Variants in KAZN observed in about 807,000 individuals in gnomAD.
KAZN encodes the protein kazrin.
Under a neutral mutation model 87.4 loss-of-function variants are expected in KAZN, and 40 were observed. The observed-to-expected ratio is 0.46, with a 90% CI of 0.36 to 0.60. The LOEUF (loss-of-function observed/expected upper bound fraction) is 0.60. Ranked by LOEUF, KAZN falls within the 20% of genes least tolerant of loss-of-function variation. The pLI is 0.00. For missense variants in KAZN, 898 were observed against 1,073.9 expected, an observed-to-expected ratio of 0.84 and a Z score of 2.29; for synonymous variants, 466 against 458.3, an observed-to-expected ratio of 1.02 and a Z score of -0.22.
At chr1:15,024,192 G>A (rs529216420) in intron 2 of KAZN, among the ~76,000 whole-genome samples, 1 of 152,286 alleles carries the variant, frequency 6.6e-6, no homozygotes, top group East Asian at 1.9e-4. Flanking sequence ...CCAAAACGGA[G>A]CAGGCAGAAA....
intron 2 of KAZN, among the ~76,000 whole-genome samples, chr1:14,984,611 C>A (rs1199872062): frequency 2.0e-5 from 3 of 151,954 alleles, no homozygotes; most frequent in Non-Finnish European, 2.9e-5. Context: ...GTATCTAGTG[C>A]CCACATCTCT....
chr1:13,973,993 A>G (rs780982064), intron 1 of KAZN, among the ~76,000 whole-genome samples: 15 of 152,270 alleles, frequency 9.9e-5, no homozygotes, highest in Admixed American at 2.0e-4. Flanking sequence ...AGGCAAAATC[A>G]GCCAAAGAAA....
chr1:14,971,184 G>A (rs1287973110), intron 2 of KAZN, among the ~76,000 whole-genome samples: 1 of 152,174 alleles, frequency 6.6e-6, no homozygotes, highest in Non-Finnish European at 1.5e-5. Flanking sequence ...CGAATCATGA[G>A]GTCAGGAGTT....
chr1:14,782,984 C>T (rs1256270989), intron 1 of KAZN, among the ~76,000 whole-genome samples: 1 of 152,030 alleles, frequency 6.6e-6, no homozygotes, highest in African/African-American at 2.4e-5. Context: ...ATACCAAGGA[C>T]GTAGGTCTCA....
chr1:14,993,461 C>T (rs1181728826), intron 2 of KAZN, among the ~76,000 whole-genome samples: 1 of 151,614 alleles, frequency 6.6e-6, no homozygotes, highest in African/African-American at 2.4e-5. Context: ...AAGAGCAAAA[C>T]TCCATCTCAA....
At chr1:14,582,087 T>C (rs1382570161) in intron 2 of KAZN, among the ~76,000 whole-genome samples, 3 of 152,116 alleles carry the variant, frequency 2.0e-5, no homozygotes, top group African/African-American at 7.2e-5. Flanking sequence ...GCATCTGACA[T>C]GTATTAGGTG....
rs981121908 is a variant in KAZN, at chr1:14,375,414, G to A, written c.249+194822G>A. Among the ~76,000 whole-genome samples, 5 of 152,096 alleles carry A rather than the reference G, an allele frequency of 3.3e-5. 1 individual carries two copies. The South Asian group carries it at 6.2e-4, about 19-fold the overall frequency. Reference sequence around the variant, plus strand: ...TCTCACCCAAGCCCGAGATAAAATAGGTGTCTTGTATTTAGAGCCATACCG... The same window carrying A: ...TCTCACCCAAGCCCGAGATAAAATAAGTGTCTTGTATTTAGAGCCATACCG... On this transcript the variant is annotated intron_variant, in intron 2 of 16. Transcript: ENST00000636203.
At chr1:13,992,305 T>G (rs1258329206) in intron 1 of KAZN, among the ~76,000 whole-genome samples, 3 of 152,196 alleles carry the variant, frequency 2.0e-5, no homozygotes, top group African/African-American at 7.2e-5. Context: ...TTTTTTTTCT[T>G]GCTCACCAAA....
At chr1:14,077,695 C>T (rs1236470384) in intron 1 of KAZN, among the ~76,000 whole-genome samples, 1 of 152,164 alleles carries the variant, frequency 6.6e-6, no homozygotes, top group African/African-American at 2.4e-5. Context: ...AAATCCTAAG[C>T]CCTGGTACCT....
At chr1:14,216,220 G>A (rs944972472) in intron 2 of KAZN, among the ~76,000 whole-genome samples, 4 of 152,156 alleles carry the variant, frequency 2.6e-5, no homozygotes, top group African/African-American at 7.2e-5. Context: ...CAGTTGACAT[G>A]CCTCAGGATC....
intron 1 of KAZN, among the ~76,000 whole-genome samples, chr1:13,956,322 T>C (rs1251257580): frequency 6.6e-6 from 1 of 150,714 alleles, no homozygotes; most frequent in Admixed American, 6.6e-5. Flanking sequence ...TTTTTTTTTT[T>C]TGATCATTTA....
At chr1:13,908,698 T>C (rs1169557290) in intron 1 of KAZN, among the ~76,000 whole-genome samples, 2 of 152,200 alleles carry the variant, frequency 1.3e-5, no homozygotes, top group African/African-American at 2.4e-5. Context: ...TCTTGTCCCT[T>C]GGTAAACTAA....
intron 1 of KAZN, among the ~76,000 whole-genome samples, chr1:13,968,879 C>G (rs1391278158): frequency 6.6e-6 from 1 of 152,188 alleles, no homozygotes; most frequent in African/African-American, 2.4e-5. Flanking sequence ...TTGCCGATGA[C>G]TCCCAAATCT....
chr1:14,472,897 C>T (rs889895901), intron 2 of KAZN, among the ~76,000 whole-genome samples: 2 of 152,130 alleles, frequency 1.3e-5, no homozygotes, highest in Non-Finnish European at 2.9e-5. Flanking sequence ...TGGGCCCTCC[C>T]TTAAGGGAGG....
At chr1:14,823,525 G>A (rs1646797000) in intron 1 of KAZN, among the ~76,000 whole-genome samples, 1 of 152,102 alleles carries the variant, frequency 6.6e-6, no homozygotes, top group African/African-American at 2.4e-5. Context: ...CACCAGCCTG[G>A]GGGCAGCTAT....
chr1:14,175,109 C>G (rs1570939521), intron 1 of KAZN, among the ~76,000 whole-genome samples: 1 of 152,002 alleles, frequency 6.6e-6, no homozygotes, highest in Admixed American at 6.5e-5. Context: ...GTTTTGTTTT[C>G]GTTTTTGTTT....
intron 1 of KAZN, among the ~76,000 whole-genome samples, chr1:14,622,441 A>G (rs540040683): frequency 6.6e-6 from 1 of 152,300 alleles, no homozygotes; most frequent in Non-Finnish European, 1.5e-5. Context: ...CTGTAATCCC[A>G]GCACTTTGGG....
chr1:13,991,084 G>A (rs916501340), intron 1 of KAZN, among the ~76,000 whole-genome samples: 2 of 151,990 alleles, frequency 1.3e-5, no homozygotes, highest in African/African-American at 2.4e-5. Context: ...TATATTTAAC[G>A]CATCCCGTGA....
At position 14,617,180 on chromosome 1, in the gene KAZN, G is replaced by A. The variant is rs894517286; in HGVS notation, c.226+17957G>A. 2.6e-5 allele frequency among the ~76,000 whole-genome samples: 4 copies of A among 152,174 alleles called. No homozygotes were observed. The South Asian group carries it at 8.3e-4, about 32-fold the overall frequency. ...GTTTTGCTATCTATGTTATGCGGCT[G>A]TTCTATGATACAGGCATATTTCAGA... On this transcript the variant is annotated intron_variant, in intron 1 of 14. Transcript: ENST00000376030.
Sources: allele counts gnomAD v4.1 joint callset (sites outside exome capture counted in the v4.1 genomes callset), GRCh38; gene constraint gnomAD v4.1.1; transcripts MANE v1.5; gene names NCBI Gene and HGNC (gene_info 2026-07-23, HGNC 2026-07-21).